The following MRFAP1L2 variants were observed in gnomAD, a reference collection of about 807,000 sequenced individuals.
The protein encoded by MRFAP1L2 is Morf4 family associated protein 1 like 2, also known as MORF4 family-associated protein 1-like protein UPP.
the MRFAP1L2 span, chr4:6,674,360 C>T: frequency 1.6e-6 from 1 of 640,846 alleles, no homozygotes; most frequent in Non-Finnish European, 2.8e-6. Flanking sequence ...CAGGAAGCTG[C>T]TGGAGATCCA....
chr4:6,675,268 G>C, the MRFAP1L2 span: 1 of 152,204 alleles, frequency 6.6e-6, no homozygotes, highest in Non-Finnish European at 1.5e-5. Flanking sequence ...ACGCTGCTGC[G>C]TGGTCATATT....
the MRFAP1L2 span, chr4:6,675,543 A>G: frequency 6.6e-6 from 1 of 152,252 alleles, no homozygotes; most frequent in Admixed American, 6.5e-5. Context: ...GGACCTCTGC[A>G]GACCATCAGA....
chr4:6,674,151 C>T, the MRFAP1L2 span: 1,573 of 385,700 alleles, frequency 4.1e-3, 26 homozygotes, highest in African/African-American at 0.03. Context: ...AGCGAGGCTT[C>T]CGCGCTCGCT....
chr4:6,674,107 G>A, the MRFAP1L2 span: 5 of 382,706 alleles, frequency 1.3e-5, no homozygotes, highest in Admixed American at 1.8e-4. Flanking sequence ...GCGGAAAGTT[G>A]GGGCAACCTG....
the MRFAP1L2 span, chr4:6,674,561 G>C: frequency 1.5e-6 from 1 of 656,730 alleles, no homozygotes; most frequent in Non-Finnish European, 2.7e-6. Flanking sequence ...CGCCGGCTGC[G>C]AGTGCTGCTG....
the MRFAP1L2 span, chr4:6,674,761 G>A: frequency 2.0e-6 from 1 of 503,238 alleles, no homozygotes; most frequent in East Asian, 3.6e-5. Flanking sequence ...ACCACTGGAA[G>A]TATTTTCAGG....
chr4:6,675,099 T>G, the MRFAP1L2 span: 1 of 152,310 alleles, frequency 6.6e-6, no homozygotes, highest in African/African-American at 2.4e-5. Context: ...TCTGCCTGCG[T>G]TTTCTCCACA....
chr4:6,674,667 C>T, the MRFAP1L2 span: 1 of 530,604 alleles, frequency 1.9e-6, no homozygotes, highest in South Asian at 2.3e-5. Flanking sequence ...CAGAGCCGTG[C>T]CACGCTCTCC....
the MRFAP1L2 span, chr4:6,674,863 C>A: frequency 2.9e-6 from 1 of 347,646 alleles, no homozygotes; most frequent in Non-Finnish European, 5.2e-6. Flanking sequence ...GAGATTGGAG[C>A]GTTTGCGATG....
At chr4:6,675,756 C>G in the MRFAP1L2 span, 1 of 152,184 alleles carries the variant, frequency 6.6e-6, no homozygotes, top group East Asian at 1.9e-4. Context: ...AATACAGTCT[C>G]TGCCACAGAT....
At chr4:6,674,140 C>T in the MRFAP1L2 span, 1 of 386,832 alleles carries the variant, frequency 2.6e-6, no homozygotes, top group African/African-American at 2.1e-5. Context: ...TCGTTGGTGA[C>T]AGCGAGGCTT....
At chr4:6,674,426 G>GC in the MRFAP1L2 span, 5 of 654,518 alleles carry the variant, frequency 7.6e-6, no homozygotes, top group Non-Finnish European at 1.4e-5. Context: ...GGGCGCCCGG[G>GC]CCCCAGCACC....
chr4:6,674,443 G>A, the MRFAP1L2 span: 12 of 656,674 alleles, frequency 1.8e-5, no homozygotes, highest in Admixed American at 1.4e-4. Context: ...CACCCCGCCC[G>A]CGTGCGGAGG....
the MRFAP1L2 span, chr4:6,674,645 G>C: frequency 1.8e-6 from 1 of 553,868 alleles, no homozygotes; most frequent in Non-Finnish European, 3.2e-6. Flanking sequence ...TGGGTAGGCA[G>C]GGAGGGGAGC....
chr4:6,675,674 G>A, the MRFAP1L2 span: 1 of 152,186 alleles, frequency 6.6e-6, no homozygotes, highest in African/African-American at 2.4e-5. Flanking sequence ...AACCTGTCTG[G>A]TGAGCAACCT....
At chr4:6,674,306 G>A in the MRFAP1L2 span, 3 of 597,528 alleles carry the variant, frequency 5.0e-6, no homozygotes, top group Admixed American at 5.8e-5. Context: ...CGAGAACCTG[G>A]CCTCCCTGGA....
chr4:6,675,117 C>G, the MRFAP1L2 span: 1 of 152,510 alleles, frequency 6.6e-6, no homozygotes, highest in South Asian at 2.0e-4. Flanking sequence ...ACATTAGCCA[C>G]TCAATTTCCA....
chr4:6,674,193 C>T, the MRFAP1L2 span: 1 of 393,320 alleles, frequency 2.5e-6, no homozygotes, highest in Non-Finnish European at 4.5e-6. Flanking sequence ...GCCCCGCGGG[C>T]TGGAAGAGGC....
the MRFAP1L2 span, chr4:6,675,229 C>T: frequency 9.9e-5 from 15 of 152,226 alleles, no homozygotes; most frequent in African/African-American, 3.4e-4. Context: ...TAATGTCCCA[C>T]GTAAAGGAAT....
Sources: gnomAD v4.1 joint callset for allele counts on GRCh38, gnomAD v4.1.1 for gene constraint, MANE v1.5 for transcripts, NCBI Gene and HGNC (gene_info 2026-07-23, HGNC 2026-07-21) for gene names.